The following AOAH variants were observed in gnomAD, a reference collection of about 807,000 sequenced individuals.
The protein encoded by AOAH is acyloxyacyl hydrolase, also known as acyloxyacyl hydrolase (neutrophil).
Under a neutral mutation model 92.2 loss-of-function variants are expected in AOAH, and 64 were observed. The observed-to-expected ratio is 0.69, with a 90% CI of 0.57 to 0.86. The LOEUF is 0.86. Among genes scored for constraint, AOAH ranks in the 40% least tolerant of loss-of-function variants. The pLI is 0.00. For synonymous variants in AOAH, 263 were observed against 254.5 expected (o/e 1.03, Z -0.32); for missense variants, 656 against 694.6 (o/e 0.94, Z 0.62).
intron 11 of AOAH, among the ~76,000 whole-genome samples, chr7:36,611,890 G>A (rs1471880634): frequency 6.6e-6 from 1 of 152,216 alleles, no homozygotes; most frequent in Admixed American, 6.5e-5. Flanking sequence ...CTCTGGTTAA[G>A]CGGCTTGTTC....
chr7:36,700,859 T>C (rs1394272647), intron 1 of AOAH, among the ~76,000 whole-genome samples: 1 of 152,120 alleles, frequency 6.6e-6, no homozygotes, highest in Non-Finnish European at 1.5e-5. Context: ...TGTTTTGACT[T>C]TTTAACAATA....
chr7:36,591,701 C>G (rs993901003), intron 12 of AOAH, among the ~76,000 whole-genome samples: 1 of 152,126 alleles, frequency 6.6e-6, no homozygotes, highest in Non-Finnish European at 1.5e-5. Context: ...GGTGGGAGGA[C>G]AGAACAGATG....
chr7:36,615,313 A>G (rs1400604598), intron 11 of AOAH, among the ~76,000 whole-genome samples: 1 of 152,248 alleles, frequency 6.6e-6, no homozygotes, highest in Non-Finnish European at 1.5e-5. Context: ...TAAATAGCAA[A>G]TAAGAAAATA....
chr7:36,669,653 G>A (rs1219957353), intron 3 of AOAH, among the ~76,000 whole-genome samples: 1 of 152,132 alleles, frequency 6.6e-6, no homozygotes. Flanking sequence ...AAAGTGCTGG[G>A]ATTACAGGCA....
intron 13 of AOAH, 56 bp downstream of exon 13, chr7:36,576,518 A>G: frequency 9.7e-7 from 1 of 1,027,460 alleles, no homozygotes; most frequent in South Asian, 1.7e-5. Context: ...GTACTTATGA[A>G]ATAAACTCAA....
At chr7:36,684,645 G>T (rs999466093) in intron 2 of AOAH, among the ~76,000 whole-genome samples, 1 of 151,974 alleles carries the variant, frequency 6.6e-6, no homozygotes, top group Admixed American at 6.6e-5. Context: ...CTGGCACAGT[G>T]GCTCACAACA....
intron 13 of AOAH, among the ~76,000 whole-genome samples, chr7:36,574,794 G>A (rs567240953): frequency 3.9e-5 from 6 of 152,088 alleles, no homozygotes; most frequent in East Asian, 1.9e-4. Context: ...GCGATCACTC[G>A]TAATTTATCA....
At chr7:36,544,240 C>A (rs1376684292) in intron 15 of AOAH, among the ~76,000 whole-genome samples, 1 of 152,110 alleles carries the variant, frequency 6.6e-6, no homozygotes, top group African/African-American at 2.4e-5. Flanking sequence ...CCACTGCGCC[C>A]GGCCCCCTGA....
chr7:36,681,750 G>A (rs1378603439), intron 2 of AOAH, among the ~76,000 whole-genome samples: 3 of 152,096 alleles, frequency 2.0e-5, no homozygotes, highest in South Asian at 2.1e-4. Context: ...GCAGTGAGCC[G>A]AGATTGCGCC....
chr7:36,628,780 C>T lies in AOAH; in HGVS notation c.521+3256G>A, dbSNP rs149654329. On this transcript the variant is annotated intron_variant, in intron 6 of 20. Coordinates refer to ENST00000617537, the MANE Select transcript of AOAH (RefSeq NM_001637.4). Reference sequence around the variant, plus strand: ...GGCATTCCTCCTGGGGGAATTTTATCGAAGGAATATGCCACAGAAGACACG... The same window carrying T: ...GGCATTCCTCCTGGGGGAATTTTATTGAAGGAATATGCCACAGAAGACACG... Among the ~76,000 whole-genome samples, 231 of 152,270 alleles carry T rather than the reference C, an allele frequency of 1.5e-3. 1 individual carries two copies. The highest frequency in any genetic ancestry group is 2.0e-3 in the African/African-American group (85 of 41,556).
chr7:36,636,789 G>T (rs557720040), intron 5 of AOAH, among the ~76,000 whole-genome samples: 21 of 152,290 alleles, frequency 1.4e-4, no homozygotes, highest in African/African-American at 5.1e-4. Flanking sequence ...ACTATTCGTT[G>T]TTTATCTGAA....
chr7:36,684,135 T>G (rs1038708163), intron 2 of AOAH, among the ~76,000 whole-genome samples: 9 of 152,188 alleles, frequency 5.9e-5, no homozygotes, highest in Non-Finnish European at 1.3e-4. Context: ...TCAGGCTTGA[T>G]ATGTACCAGA....
Position 36,530,510 on chromosome 7 carries a change from G to C in AOAH, c.1430C>G (p.Ala477Gly). ...TTTCAGTGTGTTGGAGAGTTGCTCT[G>C]CTCTCTGAAGAGAGAGGAAACAGGG... ...KTLRTLTSER[A>G]EQLSNTLKKI... Residue 477 changes from alanine (A) to glycine (G), a missense_variant, in exon 19 of 21, where the codon GCA (alanine) becomes GGA (glycine). Ala to Gly is a moderately conservative substitution (Grantham distance 60, BLOSUM62 0). Coordinates refer to ENST00000617537, the MANE Select transcript of AOAH (RefSeq NM_001637.4). 5 of 1,606,738 alleles carry C rather than the reference G, an allele frequency of 3.1e-6. No individual in the cohort carries two copies. The highest frequency in any genetic ancestry group is 4.3e-6 in the Non-Finnish European group (5 of 1,173,492).
At chr7:36,520,257 G>A (rs1194616805) in intron 20 of AOAH, among the ~76,000 whole-genome samples, 1 of 152,168 alleles carries the variant, frequency 6.6e-6, no homozygotes, top group Non-Finnish European at 1.5e-5. Context: ...AATATATCCT[G>A]GGGGATAAAA....
intron 1 of AOAH, among the ~76,000 whole-genome samples, chr7:36,696,210 G>A (rs1318529850): frequency 1.3e-5 from 2 of 152,124 alleles, no homozygotes; most frequent in Admixed American, 1.3e-4. Flanking sequence ...TTGAAACCAG[G>A]TAGTGTAAAT....
intron 1 of AOAH, among the ~76,000 whole-genome samples, chr7:36,721,368 C>T (rs572046724): frequency 2.6e-5 from 4 of 152,290 alleles, no homozygotes; most frequent in Admixed American, 6.5e-5. Flanking sequence ...ACCCCACTGC[C>T]TTCCTCTCTT....
intron 6 of AOAH, among the ~76,000 whole-genome samples, chr7:36,626,065 G>A (rs2392458): frequency 0.12 from 18,878 of 152,236 alleles, 1,327 homozygotes; most frequent in Non-Finnish European, 0.16. Context: ...TGTGAGACTA[G>A]GCAGTTTTCC....
At chr7:36,591,870 A>G (rs9690643) in intron 12 of AOAH, among the ~76,000 whole-genome samples, 36,565 of 152,114 alleles carry the variant, frequency 0.24, 5,448 homozygotes, top group African/African-American at 0.41. Context: ...AGCTGTAAGC[A>G]GAAAGAGATG....
chr7:36,688,214 T>C (rs1562698477), intron 1 of AOAH, among the ~76,000 whole-genome samples: 1 of 152,206 alleles, frequency 6.6e-6, no homozygotes, highest in Non-Finnish European at 1.5e-5. Context: ...TTTATGGTCT[T>C]GCATTTTCAT....
Sources: gnomAD v4.1 joint callset for allele counts (sites outside exome capture counted in the v4.1 genomes callset) on GRCh38, gnomAD v4.1.1 for gene constraint, MANE v1.5 for transcripts, NCBI Gene and HGNC (gene_info 2026-07-23, HGNC 2026-07-21) for gene names.